Variants in PPP1R9A observed in about 807,000 individuals in gnomAD.
PPP1R9A encodes neurabin-1.
Under a neutral mutation model 141.9 loss-of-function variants are expected in PPP1R9A, and 59 were observed. The observed-to-expected ratio is 0.42, with a 90% CI of 0.34 to 0.52. The LOEUF (loss-of-function observed/expected upper bound fraction) is 0.52, where lower values mean the gene tolerates loss of function less well. Among genes scored for constraint, PPP1R9A ranks in the 20% least tolerant of loss-of-function variants. PPP1R9A has a pLI of 0.10. For synonymous variants in PPP1R9A, 500 were observed against 569.7 expected (o/e 0.88, Z 1.74); for missense variants, 1,444 against 1,611.9 (o/e 0.90, Z 1.78).
At chr7:95,159,653 G>C (rs1830152162) in intron 4 of PPP1R9A, among the ~76,000 whole-genome samples, 2 of 152,076 alleles carry the variant, frequency 1.3e-5, no homozygotes, top group Admixed American at 1.3e-4. Flanking sequence ...GCCGACCGTG[G>C]TGGCTCACAC....
At chr7:94,980,382 A>G (rs143236608) in intron 2 of PPP1R9A, among the ~76,000 whole-genome samples, 1 of 152,162 alleles carries the variant, frequency 6.6e-6, no homozygotes, top group Non-Finnish European at 1.5e-5. Context: ...ACAGTTATAT[A>G]TATAAAATAA....
rs141778547 is a variant in PPP1R9A at position 94,953,020 on chromosome 7, G to T, written c.1395+41512G>T. Among the ~76,000 whole-genome samples the T allele has an allele frequency of 4.4e-3, 673 of 152,254 alleles. 7 individuals carry two copies. Among genetic ancestry groups the T allele is most frequent in the African/African-American group, 0.015 (642 of 41,550 alleles). On this transcript the variant is annotated intron_variant, in intron 2 of 19. Coordinates refer to ENST00000433360, the MANE Select transcript of PPP1R9A (RefSeq NM_001166160.2). ...CCATTGCTTTTGGTGTTTTAGCCAT[G>T]AAGTCTTTGCCCATGCCTATGTCCT... is the stretch of plus-strand genomic sequence containing the variant.
intron 2 of PPP1R9A, among the ~76,000 whole-genome samples, chr7:94,958,601 C>T (rs1261230893): frequency 6.6e-6 from 1 of 151,788 alleles, no homozygotes; most frequent in Non-Finnish European, 1.5e-5. Flanking sequence ...AATAGGTGTG[C>T]CCTAAAAAAT....
chr7:95,019,806 A>G (rs1424418755), intron 2 of PPP1R9A, among the ~76,000 whole-genome samples: 1 of 131,530 alleles, frequency 7.6e-6, no homozygotes, highest in Non-Finnish European at 1.8e-5. Context: ...AATTGCTTGA[A>G]GCATTAAACA....
At chr7:95,147,409 G>A (rs1350325245) in intron 4 of PPP1R9A, among the ~76,000 whole-genome samples, 1 of 152,182 alleles carries the variant, frequency 6.6e-6, no homozygotes, top group Admixed American at 6.5e-5. Context: ...AGATGATGGG[G>A]TTTTCTAAAT....
At chr7:95,051,301 A>G (rs1168143320) in intron 2 of PPP1R9A, among the ~76,000 whole-genome samples, 2 of 151,878 alleles carry the variant, frequency 1.3e-5, no homozygotes, top group Non-Finnish European at 2.9e-5. Flanking sequence ...GCATATTTAT[A>G]TGGGTGTGTT....
intron 2 of PPP1R9A, among the ~76,000 whole-genome samples, chr7:95,059,410 ACTTTTT>A (rs1811925059): frequency 6.6e-6 from 1 of 152,056 alleles, no homozygotes. Context: ...TGAAAACCCC[ACTTTTT>A]CTTTATTCAC....
At chr7:95,051,791 A>C (rs988983518) in intron 2 of PPP1R9A, among the ~76,000 whole-genome samples, 7 of 151,520 alleles carry the variant, frequency 4.6e-5, no homozygotes, top group African/African-American at 1.7e-4. Flanking sequence ...GACCATCACT[A>C]TTTATTGAAC....
chr7:94,982,021 G>A (rs1394612227), intron 2 of PPP1R9A, among the ~76,000 whole-genome samples: 1 of 133,848 alleles, frequency 7.5e-6, no homozygotes, highest in Non-Finnish European at 1.5e-5. Context: ...TCCCCGCCCT[G>A]TGCCCAAGAG....
rs763421355 is a variant in PPP1R9A, at chr7:94,910,141, C to T, written c.28C>T (p.Arg10Ter). ...GTTGAAAACTGAGTCTTCAGGTGAA[C>T]GAACCACTCTCAGAAGTGCCTCTCC... MLKTESSGE[R>*]TTLRSASPHR... Residue 10 changes from arginine (R) to a stop codon, truncating the protein, a stop_gained, in exon 2 of 20, where the codon CGA (arginine) becomes TGA (stop). Coordinates refer to ENST00000433360, the MANE Select transcript of PPP1R9A (RefSeq NM_001166160.2). LOFTEE classifies it high-confidence loss of function. The surrounding 1 kb of genome is among the most constrained non-coding windows in gnomAD (Gnocchi z 4.5). The T allele has an allele frequency of 1.2e-6, 2 of 1,612,270 alleles. No individual in the cohort carries two copies. Among genetic ancestry groups the T allele is most frequent in the East Asian group, 2.2e-5 (1 of 44,852 alleles).
At chr7:95,171,193 A>G (rs1339198564) in intron 5 of PPP1R9A, among the ~76,000 whole-genome samples, 1 of 151,654 alleles carries the variant, frequency 6.6e-6, no homozygotes, top group Non-Finnish European at 1.5e-5. Flanking sequence ...AGAGATGTAT[A>G]GAAAACTAAC....
At chr7:95,264,749 T>C (rs1312486402) in intron 12 of PPP1R9A, among the ~76,000 whole-genome samples, 1 of 152,132 alleles carries the variant, frequency 6.6e-6, no homozygotes, top group Non-Finnish European at 1.5e-5. Flanking sequence ...TCTAGCTGCA[T>C]TGCGTCAGAG....
chr7:94,979,009 C>T (rs1028365967), intron 2 of PPP1R9A, among the ~76,000 whole-genome samples: 1 of 152,154 alleles, frequency 6.6e-6, no homozygotes, highest in African/African-American at 2.4e-5. Context: ...GTTGGCCAGG[C>T]TGGTCTCGAA....
chr7:95,109,241 A>G (rs1440322577), intron 2 of PPP1R9A, among the ~76,000 whole-genome samples: 1 of 152,224 alleles, frequency 6.6e-6, no homozygotes, highest in African/African-American at 2.4e-5. Context: ...ACTCAGGTCA[A>G]ATATCTTTGC....
At chr7:95,248,773 A>G (rs1585451277) in intron 9 of PPP1R9A, among the ~76,000 whole-genome samples, 1 of 152,260 alleles carries the variant, frequency 6.6e-6, no homozygotes, top group South Asian at 2.1e-4. Flanking sequence ...TTAGCACTTT[A>G]TTATGATTCT....
intron 5 of PPP1R9A, among the ~76,000 whole-genome samples, chr7:95,194,206 G>A (rs530061593): frequency 8.6e-5 from 13 of 152,044 alleles, no homozygotes; most frequent in Middle Eastern, 3.4e-3. Flanking sequence ...ATCATTAGAC[G>A]TAATTTCTGA....
chr7:95,260,529 A>C (rs1445352201), intron 12 of PPP1R9A, among the ~76,000 whole-genome samples: 1 of 152,064 alleles, frequency 6.6e-6, no homozygotes, highest in Non-Finnish European at 1.5e-5. Flanking sequence ...AAATACAAAA[A>C]TTAGCTGGGC....
Position 95,284,219 on chromosome 7 carries a change from A to T in PPP1R9A, c.3498A>T (p.Val1166=). 6.4e-7 allele frequency: 1 copy of T among 1,568,714 alleles called. No homozygotes were observed. The highest frequency in any genetic ancestry group is 8.7e-7 in the Non-Finnish European group (1 of 1,151,838). ...TTTCAGATAAAAAGGGGTCCAAGGTAGAAAACACATGGATTACAAAAGCAA... is the reference window on the plus strand; with the variant it reads ...TTTCAGATAAAAAGGGGTCCAAGGTTGAAAACACATGGATTACAAAAGCAA... ...TLISDKKGSK[V]ENTWITKANK... The change falls in exon 17 of 20, where the codon GTA becomes GTT. Residue 1166 remains valine (V), a synonymous_variant. Transcript: ENST00000433360.
chr7:95,004,108 TG>T (rs1193751672), intron 2 of PPP1R9A, among the ~76,000 whole-genome samples: 11 of 151,998 alleles, frequency 7.2e-5, no homozygotes, highest in African/African-American at 2.4e-4. Context: ...TGCTTGACTT[TG>T]AGTAAAAAGT....
Sources: gnomAD v4.1 joint callset for allele counts (sites outside exome capture counted in the v4.1 genomes callset) on GRCh38, gnomAD v4.1.1 for gene constraint, Gnocchi (gnomAD v3.1) non-coding constraint, MANE v1.5 for transcripts, NCBI Gene and HGNC (gene_info 2026-07-23, HGNC 2026-07-21) for gene names.